TCF12: variants seen among roughly 807,000 people sequenced by gnomAD.
TCF12 encodes the protein transcription factor 12.
A neutral mutation model predicts 86.0 loss-of-function variants in TCF12; 45 were observed. The observed-to-expected ratio is 0.52, with a 90% CI of 0.41 to 0.67. TCF12 has a LOEUF of 0.67. TCF12 is among the 30% of genes least tolerant of loss of function. The pLI, the probability that TCF12 is intolerant of heterozygous loss-of-function variation, is 0.00. For missense variants in TCF12, 881 were observed against 859.9 expected, an observed-to-expected ratio of 1.02 and a Z score of -0.31; for synonymous variants, 330 against 299.6, an observed-to-expected ratio of 1.10 and a Z score of -1.05.
chr15:57,112,410 A>G lies in TCF12; in HGVS notation c.325+20519A>G, dbSNP rs112853394. ...CAGATAATGTGGAGGAAGGAACACT[A>G]CTCTTTGGAATGCCCTCAGCTGTCT... On this transcript the variant is annotated intron_variant, in intron 5 of 20. Transcript: ENST00000333725. 5.9e-5 allele frequency among the ~76,000 whole-genome samples: 9 copies of G among 151,868 alleles called. 1 individual carries two copies. Among genetic ancestry groups the G allele is most frequent in the Middle Eastern group, 6.8e-3 (2 of 292 alleles).
At position 57,180,806 on chromosome 15, in the gene TCF12, ATTTTTTTTTTT is replaced by A; in HGVS notation, c.391-11336_391-11326del. 6.1e-5 allele frequency among the ~76,000 whole-genome samples: 5 copies of A among 82,128 alleles called. No individual in the cohort carries two copies. In the South Asian group the frequency reaches 2.5e-3, roughly 41 times the overall value. 53.9% of individuals were successfully genotyped at this position (82,128 alleles called of 152,430 possible). A position where few individuals can be genotyped will look rare whatever the true frequency, so the allele number is the denominator to read the frequency against. On this transcript the variant is annotated intron_variant, in intron 6 of 20. Transcript: ENST00000333725. Reference sequence around the variant, plus strand: ...TTTTAATCATAAAATGATGCTAATAATTTTTTTTTTTTTTTTTTTTTTTTTTGAGATGGAGT... The same window carrying A: ...TTTTAATCATAAAATGATGCTAATAATTTTTTTTTTTTTTTGAGATGGAGT...
intron 8 of TCF12, among the ~76,000 whole-genome samples, chr15:57,212,040 T>A (rs1379200539): frequency 2.6e-5 from 4 of 151,676 alleles, no homozygotes; most frequent in Admixed American, 6.6e-5. Context: ...TGGTATCATC[T>A]ATGCCAGTGG....
At chr15:57,265,068 A>AATAGTATAGTATAGTATAGTATAGT (rs71113096) in intron 18 of TCF12, among the ~76,000 whole-genome samples, 4 of 139,690 alleles carry the variant, frequency 2.9e-5, no homozygotes, top group African/African-American at 5.5e-5. Flanking sequence ...TCTAATGATA[A>AATAGTATAGTATAGTATAGTATAGT]ATAGTATAGT....
intron 18 of TCF12, 49 bp from the exon 19 acceptor site, chr15:57,272,981 C>G (rs778794413): frequency 6.5e-7 from 1 of 1,542,386 alleles, no homozygotes; most frequent in Non-Finnish European, 8.9e-7. Context: ...ATCAGCATAT[C>G]TTACTTTATA....
intron 3 of TCF12, among the ~76,000 whole-genome samples, chr15:57,047,019 A>G (rs1362586859): frequency 2.6e-5 from 4 of 152,166 alleles, no homozygotes; most frequent in Non-Finnish European, 4.4e-5. Context: ...AATCTAAACT[A>G]CGCCTTTCGT....
intron 4 of TCF12, among the ~76,000 whole-genome samples, chr15:57,077,327 ATG>A (rs1172206511): frequency 0.025 from 654 of 25,678 alleles, 12 homozygotes; most frequent in Middle Eastern, 0.14. Context: ...ATGTATATAT[ATG>A]TGTGTGTGTG....
intron 3 of TCF12, among the ~76,000 whole-genome samples, chr15:57,025,984 G>A (rs1328229559): frequency 6.6e-6 from 1 of 152,188 alleles, no homozygotes; most frequent in Admixed American, 6.5e-5. Context: ...AAAAAACTGG[G>A]AATGGGAAGA....
intron 18 of TCF12, among the ~76,000 whole-genome samples, chr15:57,269,445 T>A (rs2152084486): frequency 6.7e-6 from 1 of 150,148 alleles, no homozygotes; most frequent in South Asian, 2.2e-4. Flanking sequence ...TGAGCCTATG[T>A]GTATCTTTGC....
intron 13 of TCF12, among the ~76,000 whole-genome samples, chr15:57,248,458 A>G (rs1389201266): frequency 1.3e-5 from 2 of 152,358 alleles, no homozygotes; most frequent in African/African-American, 4.8e-5. Flanking sequence ...TTGGAAGGCA[A>G]ACAAGCAAAG....
At chr15:57,168,296 A>T (rs193247356) in intron 6 of TCF12, among the ~76,000 whole-genome samples, 2 of 152,372 alleles carry the variant, frequency 1.3e-5, no homozygotes, top group East Asian at 3.9e-4. Flanking sequence ...TGCCTAGTTA[A>T]AAATTGCAGA....
chr15:57,199,746 A>T (rs1020430184), intron 8 of TCF12, among the ~76,000 whole-genome samples: 3 of 152,250 alleles, frequency 2.0e-5, no homozygotes, highest in African/African-American at 7.2e-5. Flanking sequence ...GGCCAAGCCT[A>T]CTTATATATT....
rs191480665 is a variant in TCF12 at position 57,148,952 on chromosome 15, G to A, written c.326-17450G>A. ...CGTGACCAGTTTTCCCACGTGAGAC[G>A]GGTCTAGGTGTAGTCTTAAATCTAT... On this transcript the variant is annotated intron_variant, in intron 5 of 20. Transcript: ENST00000333725. Among the ~76,000 whole-genome samples the A allele has an allele frequency of 1.5e-3, 226 of 152,222 alleles. 1 individual carries two copies. The highest frequency in any genetic ancestry group is 3.4e-3 in the Middle Eastern group (1 of 294).
intron 3 of TCF12, among the ~76,000 whole-genome samples, chr15:57,042,123 T>G (rs2066933804): frequency 1.3e-5 from 2 of 151,762 alleles, no homozygotes; most frequent in African/African-American, 2.4e-5. Flanking sequence ...TTTTCAATTT[T>G]TATTGTTTTT....
chr15:57,114,859 A>G (rs374989497), intron 5 of TCF12, among the ~76,000 whole-genome samples: 5 of 152,286 alleles, frequency 3.3e-5, no homozygotes, highest in African/African-American at 9.6e-5. Context: ...TAAGAAATAT[A>G]TATTGAATAC....
intron 5 of TCF12, 58 bp from the exon 6 acceptor site, chr15:57,166,344 T>G: frequency 7.0e-7 from 1 of 1,428,264 alleles, no homozygotes; most frequent in South Asian, 1.2e-5. Flanking sequence ...GTCTAGCAGT[T>G]TGATTGTCTG....
At chr15:57,239,083 A>C (rs1473584334) in intron 12 of TCF12, among the ~76,000 whole-genome samples, 2 of 152,124 alleles carry the variant, frequency 1.3e-5, no homozygotes, top group African/African-American at 4.8e-5. Flanking sequence ...AGGGCTAGGC[A>C]ACACCACGCC....
chr15:56,920,622 A>G (rs1447975850), intron 2 of TCF12, among the ~76,000 whole-genome samples: 1 of 152,032 alleles, frequency 6.6e-6, no homozygotes, highest in Non-Finnish European at 1.5e-5. Flanking sequence ...AGGAGGCAGC[A>G]CCTATACCTG....
At chr15:57,190,309 G>C (rs1382590137) in intron 6 of TCF12, among the ~76,000 whole-genome samples, 1 of 152,168 alleles carries the variant, frequency 6.6e-6, no homozygotes, top group East Asian at 1.9e-4. Context: ...TTTCTTGACT[G>C]TTAGACTGGA....
intron 6 of TCF12, 112 bp downstream of exon 6, chr15:57,166,578 A>G (rs1596990058): frequency 1.1e-6 from 1 of 943,276 alleles, no homozygotes; most frequent in Admixed American, 2.7e-5. Flanking sequence ...TGTTTGTTTA[A>G]TTTGTAACTA....
Sources: gnomAD v4.1 joint callset for allele counts (sites outside exome capture counted in the v4.1 genomes callset) on GRCh38, gnomAD v4.1.1 for gene constraint, MANE v1.5 for transcripts, NCBI Gene and HGNC (gene_info 2026-07-23, HGNC 2026-07-21) for gene names.